Variants in NAALADL2 observed in about 807,000 individuals in gnomAD.
NAALADL2 encodes the protein inactive N-acetylated-alpha-linked acidic dipeptidase-like protein 2.
In NAALADL2, 76 loss-of-function variants were observed where a neutral mutation model predicts 87.2. The observed-to-expected ratio is 0.87, with a 90% CI of 0.72 to 1.05. NAALADL2 has a LOEUF of 1.05. Among genes scored for constraint, NAALADL2 ranks in the 50% least tolerant of loss-of-function variants. The pLI, the probability that NAALADL2 is intolerant of heterozygous loss-of-function variation, is 0.00. For missense variants in NAALADL2, 1,089 were observed against 945.8 expected (o/e 1.15, Z -1.99); for synonymous variants, 354 against 331.0 (o/e 1.07, Z -0.75).
intron 1 of NAALADL2, among the ~76,000 whole-genome samples, chr3:174,977,019 G>A (rs1744445399): frequency 6.6e-6 from 1 of 152,184 alleles, no homozygotes; most frequent in African/African-American, 2.4e-5. Flanking sequence ...TGGAGATCAA[G>A]TAGGTATGTG....
At position 175,256,527 on chromosome 3, in the gene NAALADL2, T is replaced by C. The variant is rs1363199339; in HGVS notation, c.936T>C (p.Tyr312=). ...LLKLGKLPLL[Y]KLSSLEKAGF... ...AATTAGGAAAATTGCCACTGCTTTA[T>C]AAGGTTGGTCCAGTGAATGTTATTC... Residue 312 remains tyrosine (Y), a synonymous_variant, in exon 4 of 14, where the codon TAT becomes TAC. Coordinates refer to ENST00000454872, the MANE Select transcript of NAALADL2 (RefSeq NM_207015.3). 2 of 1,611,442 alleles carry C rather than the reference T, an allele frequency of 1.2e-6. No individual in the cohort carries two copies. The highest frequency in any genetic ancestry group is 8.5e-7 in the Non-Finnish European group (1 of 1,178,988).
chr3:175,126,747 A>C (rs1270829329), intron 2 of NAALADL2, among the ~76,000 whole-genome samples: 2 of 152,142 alleles, frequency 1.3e-5, no homozygotes, highest in Non-Finnish European at 2.9e-5. Context: ...TGAGGTTGAC[A>C]GGTAAACACA....
chr3:175,696,468 G>A (rs1258869452), intron 11 of NAALADL2, among the ~76,000 whole-genome samples: 1 of 152,090 alleles, frequency 6.6e-6, no homozygotes, highest in African/African-American at 2.4e-5. Context: ...GAACAACTGA[G>A]ATGATTGACA....
At position 175,446,335 on chromosome 3, in the gene NAALADL2, G is replaced by A. The variant is rs181285230; in HGVS notation, c.1091-894G>A. Among the ~76,000 whole-genome samples, 66 of 152,068 alleles carry A rather than the reference G, an allele frequency of 4.3e-4. No homozygotes were observed. The East Asian group carries it at 0.011, about 26-fold the overall frequency. On this transcript the variant is annotated intron_variant, in intron 5 of 13. Coordinates refer to ENST00000454872, the MANE Select transcript of NAALADL2 (RefSeq NM_207015.3). ...TGACTCACTGCAACCTCTGCCTCCC[G>A]AGTTCAAGCTATTCTCCTGCCTCGG...
At chr3:175,004,236 A>T (rs1287070110) in intron 1 of NAALADL2, among the ~76,000 whole-genome samples, 1 of 152,012 alleles carries the variant, frequency 6.6e-6, no homozygotes, top group Admixed American at 6.6e-5. Context: ...AAGTAAATAA[A>T]TAAATAAATA....
chr3:175,487,439 G>C, intron 9 of NAALADL2: 1 of 448,678 alleles, frequency 2.2e-6, no homozygotes, highest in South Asian at 1.6e-5. Context: ...GGGTTCTAAA[G>C]TAATTATTCT....
At chr3:175,296,098 T>C (rs1756338954) in intron 4 of NAALADL2, among the ~76,000 whole-genome samples, 1 of 34,094 alleles carries the variant, frequency 2.9e-5, no homozygotes, top group African/African-American at 5.7e-5. Flanking sequence ...GAGTCTCTGC[T>C]ACAAGCTCTC....
At chr3:175,396,005 C>A (rs1769729870) in intron 5 of NAALADL2, among the ~76,000 whole-genome samples, 1 of 152,120 alleles carries the variant, frequency 6.6e-6, no homozygotes. Context: ...CTGCTAAAAT[C>A]AATCTTGCTG....
At chr3:175,367,420 A>T (rs1431044754) in intron 5 of NAALADL2, among the ~76,000 whole-genome samples, 3 of 151,834 alleles carry the variant, frequency 2.0e-5, no homozygotes, top group Non-Finnish European at 4.4e-5. Flanking sequence ...CTTGATGGGG[A>T]TGGCATTGAA....
At chr3:175,016,403 C>T (rs896570873) in intron 1 of NAALADL2, among the ~76,000 whole-genome samples, 1 of 151,014 alleles carries the variant, frequency 6.6e-6, no homozygotes, top group African/African-American at 2.4e-5. Flanking sequence ...ATATATTGCT[C>T]ATTGAAAAAA....
At chr3:174,472,134 C>A (rs1409907222) in intron 1 of NAALADL2, among the ~76,000 whole-genome samples, 1 of 152,106 alleles carries the variant, frequency 6.6e-6, no homozygotes, top group Non-Finnish European at 1.5e-5. Context: ...TCAGAAAATT[C>A]TGGGTTATAA....
chr3:174,864,220 C>G (rs892360187), intron 1 of NAALADL2: 5 of 340,438 alleles, frequency 1.5e-5, no homozygotes, highest in Non-Finnish European at 2.3e-5. Flanking sequence ...TGAAGTAAAG[C>G]CTAAGAAATA....
At chr3:174,923,258 G>GC (rs1468360796) in intron 1 of NAALADL2, among the ~76,000 whole-genome samples, 1 of 152,076 alleles carries the variant, frequency 6.6e-6, no homozygotes, top group Non-Finnish European at 1.5e-5. Flanking sequence ...GCTCCTGAGG[G>GC]CTGAAGTTGA....
intron 4 of NAALADL2, among the ~76,000 whole-genome samples, chr3:175,311,847 CAGG>C (rs1758411682): frequency 1.3e-5 from 2 of 152,020 alleles, no homozygotes; most frequent in Admixed American, 1.3e-4. Flanking sequence ...TTTACAAAAG[CAGG>C]AGGTCATTGC....
rs564392138 is a variant in NAALADL2, at chr3:175,751,170, A to G, written c.1991-4050A>G. ...AGCGTTTCACCAGGAGCAGTGATCT[A>G]AAAGAATCCTTTTTAAAGTTCACCG... On this transcript the variant is annotated intron_variant, in intron 12 of 13. Transcript: ENST00000454872. Among the ~76,000 whole-genome samples the G allele has an allele frequency of 5.8e-4, 89 of 152,268 alleles. 1 individual carries two copies. The highest frequency in any genetic ancestry group is 2.1e-3 in the African/African-American group (89 of 41,580).
chr3:175,005,142 C>A (rs55923554), intron 1 of NAALADL2, among the ~76,000 whole-genome samples: 2,208 of 152,258 alleles, frequency 0.015, 40 homozygotes, highest in African/African-American at 0.05. Context: ...CGGCATTGTT[C>A]TAAGTAATTT....
chr3:175,261,704 G>A (rs1674301825), intron 4 of NAALADL2, among the ~76,000 whole-genome samples: 1 of 151,796 alleles, frequency 6.6e-6, no homozygotes, highest in Non-Finnish European at 1.5e-5. Flanking sequence ...CAATTTTAAA[G>A]GGCCAGACAT....
chr3:175,255,529 A>C (rs1749781937), intron 3 of NAALADL2, among the ~76,000 whole-genome samples: 1 of 152,180 alleles, frequency 6.6e-6, no homozygotes. Flanking sequence ...TTTACATTAT[A>C]ATATAATCAT....
chr3:174,761,197 A>G (rs1408643849), intron 3 of NAALADL2, among the ~76,000 whole-genome samples: 3 of 152,224 alleles, frequency 2.0e-5, no homozygotes, highest in Non-Finnish European at 2.9e-5. Flanking sequence ...AGTGCCTAGC[A>G]GTATCTATCT....
Sources: gnomAD v4.1 joint callset for allele counts (sites outside exome capture counted in the v4.1 genomes callset) on GRCh38, gnomAD v4.1.1 for gene constraint, MANE v1.5 for transcripts, NCBI Gene and HGNC (gene_info 2026-07-23, HGNC 2026-07-21) for gene names.